MTMR3: variants seen among roughly 807,000 people sequenced by gnomAD.
MTMR3 encodes the protein myotubularin related protein 3.
MTMR3 carries 32 observed loss-of-function variants against 132.4 expected under a neutral mutation model. That is an observed-to-expected ratio of 0.24 (90% CI 0.18 to 0.32). The LOEUF is 0.32. Ranked by LOEUF, MTMR3 falls within the 10% of genes least tolerant of loss-of-function variation. The probability of loss-of-function intolerance (pLI) is 1.00; values close to 1 mark genes in which losing one functional copy is unlikely to be tolerated. For missense variants in MTMR3, 1,216 were observed against 1,489.6 expected, an observed-to-expected ratio of 0.82 and a Z score of 3.02; for synonymous variants, 556 against 550.3, an observed-to-expected ratio of 1.01 and a Z score of -0.14.
At chr22:29,925,680 C>T (rs1187898828) in intron 1 of MTMR3, among the ~76,000 whole-genome samples, 2 of 152,006 alleles carry the variant, frequency 1.3e-5, no homozygotes, top group Non-Finnish European at 2.9e-5. Context: ...ATTTGGGAGG[C>T]TGAGATGGGT....
chr22:30,003,096 C>T (rs575587293), intron 9 of MTMR3, 103 bp downstream of exon 9: 32 of 866,810 alleles, frequency 3.7e-5, no homozygotes, highest in Non-Finnish European at 5.4e-5. Context: ...GGGGAGAGTT[C>T]AGAGAACTTT....
intron 19 of MTMR3, chr22:30,023,398 C>A (rs1006585028): frequency 1.3e-6 from 2 of 1,594,468 alleles, no homozygotes; most frequent in South Asian, 2.2e-5. Flanking sequence ...CACCCTGCAC[C>A]CCAAGCCCAG....
At chr22:29,901,314 T>G (rs1271449940) in intron 1 of MTMR3, among the ~76,000 whole-genome samples, 3 of 151,558 alleles carry the variant, frequency 2.0e-5, no homozygotes, top group Non-Finnish European at 4.4e-5. Flanking sequence ...AAATATTGTT[T>G]AATTTTTAGG....
At chr22:29,916,408 C>T (rs141688048) in intron 1 of MTMR3, among the ~76,000 whole-genome samples, 5 of 152,290 alleles carry the variant, frequency 3.3e-5, no homozygotes, top group African/African-American at 9.6e-5. Context: ...CTTCAGCCTT[C>T]GGAGACACAT....
chr22:29,886,524 A>G (rs1418334753), intron 1 of MTMR3, among the ~76,000 whole-genome samples: 1 of 152,152 alleles, frequency 6.6e-6, no homozygotes, highest in Non-Finnish European at 1.5e-5. Flanking sequence ...TCTGGGCGTC[A>G]GTTTTCTCAT....
rs115318940 is a variant in MTMR3, at chr22:30,016,534, C to T, written c.1510C>T (p.Leu504=). The T allele has an allele frequency of 5.3e-4, 859 of 1,613,570 alleles. 7 individuals are homozygous for T. The African/African-American group carries it at 9.2e-3, about 17-fold the overall frequency. ...CTTCATTGGACTTCCATAGGTGAAA[C>T]TGGTGCAGCATACCTATTCCTGCCT... is the stretch of plus-strand genomic sequence containing the variant. ...FEFNEAFLVK[L]VQHTYSCLFG... is the part of the protein sequence containing the mutation. The change falls in exon 15 of 20, where the codon CTG becomes TTG. Residue 504 remains leucine (L), a synonymous_variant. Transcript: ENST00000401950.
intron 19 of MTMR3, chr22:30,024,303 A>G (rs536564957): frequency 6.6e-6 from 1 of 152,380 alleles, no homozygotes; most frequent in South Asian, 2.1e-4. Context: ...CCCATCTCGA[A>G]AAAGTAAAGA....
chr22:30,028,739 A>C lies in MTMR3; in HGVS notation c.*2938A>C, dbSNP rs1376786311. The C allele has an allele frequency of 6.6e-6, 1 of 152,388 alleles. No individual in the cohort carries two copies. The highest frequency in any genetic ancestry group is 1.5e-5 in the Non-Finnish European group (1 of 68,046). 9.4% of individuals were successfully genotyped at this position (152,388 alleles called of 1,614,324 possible). ...TCTGAATGTACCTTCTACCTAAAGT[A>C]TACAAACACAAAGAGCCAGCTGAGC... On this transcript the variant is annotated 3_prime_UTR_variant, in exon 20 of 20. Coordinates refer to ENST00000401950, the MANE Select transcript of MTMR3 (RefSeq NM_021090.4).
chr22:29,889,865 A>C (rs557527209), intron 1 of MTMR3, among the ~76,000 whole-genome samples: 2 of 148,870 alleles, frequency 1.3e-5, no homozygotes, highest in African/African-American at 2.5e-5. Context: ...ATTGAATTGC[A>C]TTGAATTGTT....
intron 1 of MTMR3, among the ~76,000 whole-genome samples, chr22:29,917,484 AAAAC>A (rs961838325): frequency 2.2e-4 from 34 of 152,212 alleles, no homozygotes; most frequent in African/African-American, 6.8e-4. Context: ...GCGTCTCTTA[AAAAC>A]AAACAAACAA....
chr22:29,985,625 C>T (rs1463098089), intron 5 of MTMR3: 1 of 152,150 alleles, frequency 6.6e-6, no homozygotes, highest in Non-Finnish European at 1.5e-5. Context: ...TTTTGTATGT[C>T]CCTATTCTTG....
chr22:29,930,136 CAATT>C (rs989989904), intron 1 of MTMR3, among the ~76,000 whole-genome samples: 5 of 152,098 alleles, frequency 3.3e-5, no homozygotes, highest in African/African-American at 9.7e-5. Flanking sequence ...TTTTGAAAGT[CAATT>C]AAGGTAAATT....
intron 1 of MTMR3, among the ~76,000 whole-genome samples, chr22:29,922,152 G>A (rs111942805): frequency 4.6e-5 from 7 of 151,612 alleles, no homozygotes; most frequent in South Asian, 4.2e-4. Context: ...TCAGCCTCCC[G>A]AGTAGCTGGG....
At chr22:29,921,854 CTT>C (rs753433565) in intron 1 of MTMR3, among the ~76,000 whole-genome samples, 2 of 118,250 alleles carry the variant, frequency 1.7e-5, no homozygotes, top group African/African-American at 3.1e-5. Flanking sequence ...TTTTTTTTTT[CTT>C]TTTTTTTTTT....
intron 9 of MTMR3, 130 bp from the exon 10 acceptor site, chr22:30,006,984 T>C (rs2067285947): frequency 1.2e-6 from 1 of 837,120 alleles, no homozygotes; most frequent in Non-Finnish European, 1.9e-6. Context: ...TCTTTAATAC[T>C]GAGAGGACTT....
At chr22:29,943,307 C>T (rs1044762869) in intron 1 of MTMR3, among the ~76,000 whole-genome samples, 4 of 152,064 alleles carry the variant, frequency 2.6e-5, no homozygotes, top group African/African-American at 9.7e-5. Context: ...ATTCTCCTGC[C>T]TCAGCCTCCT....
intron 1 of MTMR3, among the ~76,000 whole-genome samples, chr22:29,935,915 G>C (rs934226817): frequency 1.3e-5 from 2 of 151,954 alleles, no homozygotes; most frequent in Non-Finnish European, 2.9e-5. Flanking sequence ...ACCACGCCTG[G>C]CTAATTTTTA....
intron 1 of MTMR3, among the ~76,000 whole-genome samples, chr22:29,927,858 C>A (rs1450025367): frequency 6.8e-6 from 1 of 147,636 alleles, no homozygotes; most frequent in East Asian, 2.0e-4. Context: ...ATACCTTTTT[C>A]TTTTTTTAAA....
intron 1 of MTMR3, among the ~76,000 whole-genome samples, chr22:29,937,350 G>C (rs184530639): frequency 3.3e-5 from 5 of 151,862 alleles, no homozygotes; most frequent in African/African-American, 4.8e-5. Context: ...CAGTTTTGAG[G>C]CTTGGGAGCT....
Sources: allele counts gnomAD v4.1 joint callset (sites outside exome capture counted in the v4.1 genomes callset), GRCh38; gene constraint gnomAD v4.1.1; transcripts MANE v1.5; gene names NCBI Gene and HGNC (gene_info 2026-07-23, HGNC 2026-07-21).